Variants in MCC observed in about 807,000 individuals in gnomAD.
MCC encodes colorectal mutant cancer protein.
A neutral mutation model predicts 116.2 loss-of-function variants in MCC; 90 were observed. That is an observed-to-expected ratio of 0.77 (90% CI 0.65 to 0.92). The LOEUF (loss-of-function observed/expected upper bound fraction) is 0.92. Among genes scored for constraint, MCC ranks in the 40% least tolerant of loss-of-function variants. The pLI is 0.00. For missense variants in MCC, 1,516 were observed against 1,312.2 expected, an observed-to-expected ratio of 1.16 and a Z score of -2.40; for synonymous variants, 578 against 510.5, an observed-to-expected ratio of 1.13 and a Z score of -1.78.
At position 113,245,402 on chromosome 5, in the gene MCC, T is replaced by G. The variant is rs189656508; in HGVS notation, c.628-93980A>C. On this transcript the variant is annotated intron_variant, in intron 3 of 18. Transcript: ENST00000408903. ...TCTCTCTTGTGTTCTCCAAGTCATC[T>G]GTTTTTTTTTAACCCAATGAAATAT... is the stretch of plus-strand genomic sequence containing the variant. 2.6e-5 allele frequency among the ~76,000 whole-genome samples: 4 copies of G among 152,140 alleles called. No homozygotes were observed. In the East Asian group the frequency reaches 7.7e-4, roughly 29 times the overall value.
At chr5:113,444,064 C>T (rs995380266) in intron 1 of MCC, among the ~76,000 whole-genome samples, 3 of 151,740 alleles carry the variant, frequency 2.0e-5, no homozygotes, top group Non-Finnish European at 2.9e-5. Context: ...AGGCTGTTCT[C>T]GAACTCCTGA....
In MCC at chr5:113,096,237, A is replaced by C. The variant is rs949935958; in HGVS notation, c.1398+5502T>G. Reference sequence around the variant, plus strand: ...CACCTGCAGAGGGGAAGTAGAGGACACTTGGAGAAGCTCTTGGCCCATGTC... The same window carrying C: ...CACCTGCAGAGGGGAAGTAGAGGACCCTTGGAGAAGCTCTTGGCCCATGTC... On this transcript the variant is annotated intron_variant, in intron 8 of 18. Transcript: ENST00000408903. Among the ~76,000 whole-genome samples the C allele has an allele frequency of 2.6e-5, 4 of 152,366 alleles. No individual in the cohort carries two copies. The East Asian group carries it at 7.7e-4, about 29-fold the overall frequency.
intron 12 of MCC, among the ~76,000 whole-genome samples, chr5:113,070,599 T>C (rs540276237): frequency 1.2e-4 from 19 of 152,360 alleles, no homozygotes; most frequent in African/African-American, 4.3e-4. Context: ...TTATCTGCAT[T>C]AAATTATTCA....
intron 3 of MCC, among the ~76,000 whole-genome samples, chr5:113,315,936 A>G (rs1448996905): frequency 6.6e-6 from 1 of 151,928 alleles, no homozygotes; most frequent in Non-Finnish European, 1.5e-5. Flanking sequence ...GAAGTGCCCA[A>G]AACAACTAGG....
chr5:113,243,672 T>C (rs1004254243), intron 3 of MCC, among the ~76,000 whole-genome samples: 4 of 151,994 alleles, frequency 2.6e-5, no homozygotes, highest in Non-Finnish European at 4.4e-5. Flanking sequence ...CTAGTGTGTT[T>C]ATCCTTCTTT....
intron 8 of MCC, among the ~76,000 whole-genome samples, chr5:113,097,513 G>A (rs1190751958): frequency 1.3e-5 from 2 of 151,920 alleles, no homozygotes; most frequent in South Asian, 4.2e-4. Context: ...TCTATGAAAT[G>A]GAAATTTATA....
intron 5 of MCC, among the ~76,000 whole-genome samples, chr5:113,126,687 C>T (rs1490300186): frequency 6.6e-6 from 1 of 152,172 alleles, no homozygotes; most frequent in African/African-American, 2.4e-5. Flanking sequence ...ATGGAAAAAA[C>T]CGCAACTGCT....
intron 18 of MCC, among the ~76,000 whole-genome samples, chr5:113,027,717 G>A (rs1750658403): frequency 6.6e-6 from 1 of 151,742 alleles, no homozygotes; most frequent in Non-Finnish European, 1.5e-5. Context: ...GATTGCTAGA[G>A]GCTGGTCACT....
intron 1 of MCC, among the ~76,000 whole-genome samples, chr5:113,398,001 T>C (rs1168747081): frequency 6.6e-6 from 1 of 151,994 alleles, no homozygotes; most frequent in Non-Finnish European, 1.5e-5. Context: ...AAAAAACAAA[T>C]AACTTCATTA....
chr5:113,295,172 TAA>T (rs112353235), intron 3 of MCC, among the ~76,000 whole-genome samples: 12 of 132,046 alleles, frequency 9.1e-5, no homozygotes, highest in Non-Finnish European at 9.9e-5. Flanking sequence ...TGCAGGAAAT[TAA>T]AAAAAAAAAA....
intron 3 of MCC, among the ~76,000 whole-genome samples, chr5:113,314,231 G>A (rs745584139): frequency 9.2e-5 from 14 of 152,074 alleles, no homozygotes; most frequent in Admixed American, 7.9e-4. Flanking sequence ...AAAAATCATG[G>A]GGCTTCATTT....
At chr5:113,454,713 T>C (rs1286990444) in intron 1 of MCC, among the ~76,000 whole-genome samples, 1 of 152,168 alleles carries the variant, frequency 6.6e-6, no homozygotes, top group Non-Finnish European at 1.5e-5. Context: ...CCATCAACTA[T>C]AAAATTTATT....
chr5:113,083,498 C>G (rs1755001188), intron 10 of MCC, among the ~76,000 whole-genome samples: 2 of 152,200 alleles, frequency 1.3e-5, no homozygotes, highest in South Asian at 4.2e-4. Context: ...TATTCAGGCT[C>G]TCTCTGCCTC....
intron 3 of MCC, among the ~76,000 whole-genome samples, chr5:113,232,010 T>C (rs548712412): frequency 1.1e-3 from 169 of 152,288 alleles, no homozygotes; most frequent in Non-Finnish European, 1.6e-3. Context: ...GGTTTTATAA[T>C]GTAGACTCAA....
chr5:113,217,883 G>A (rs978348406), intron 3 of MCC, among the ~76,000 whole-genome samples: 2 of 152,094 alleles, frequency 1.3e-5, no homozygotes, highest in African/African-American at 4.8e-5. Flanking sequence ...ACATGAGTGT[G>A]CACACCACGC....
At chr5:113,327,855 T>G (rs1767607362) in intron 3 of MCC, among the ~76,000 whole-genome samples, 1 of 148,990 alleles carries the variant, frequency 6.7e-6, no homozygotes, top group Admixed American at 6.6e-5. Context: ...AACCTAACAT[T>G]ATTATACCTC....
At chr5:113,268,416 T>C (rs1218290113) in intron 3 of MCC, among the ~76,000 whole-genome samples, 1 of 152,222 alleles carries the variant, frequency 6.6e-6, no homozygotes. Context: ...GATGTACCAC[T>C]GTCATCAATT....
At chr5:113,339,158 G>A (rs565454741) in intron 3 of MCC, among the ~76,000 whole-genome samples, 8 of 151,692 alleles carry the variant, frequency 5.3e-5, no homozygotes, top group African/African-American at 1.2e-4. Context: ...CCTGGAAGGC[G>A]GAGGTTGCAG....
rs569367380 is a variant in MCC, at chr5:113,109,688, TGAG to T, written c.1028-5336_1028-5334del. Reference sequence around the variant, plus strand: ...AATAAATGTATATCAGTGAGTAAAATGAGGAGATATAAGCAAATAGGCTGATAT... The same window carrying T: ...AATAAATGTATATCAGTGAGTAAAATGAGATATAAGCAAATAGGCTGATAT... On this transcript the variant is annotated intron_variant, in intron 6 of 18. Coordinates refer to ENST00000408903, the MANE Select transcript of MCC (RefSeq NM_001085377.2). 5.5e-4 allele frequency among the ~76,000 whole-genome samples: 83 copies of T among 152,198 alleles called. 2 individuals are homozygous for T. In the South Asian group the frequency reaches 6.8e-3, roughly 13 times the overall value.
Sources: allele counts gnomAD v4.1 joint callset (sites outside exome capture counted in the v4.1 genomes callset), GRCh38; gene constraint gnomAD v4.1.1; transcripts MANE v1.5; gene names NCBI Gene and HGNC (gene_info 2026-07-23, HGNC 2026-07-21).